CTNNA3: variants seen among roughly 807,000 people sequenced by gnomAD.
The protein encoded by CTNNA3 is catenin alpha-3.
CTNNA3 carries 76 observed loss-of-function variants against 95.7 expected under a neutral mutation model. That is an observed-to-expected ratio of 0.79 (90% CI 0.66 to 0.96). CTNNA3 has a LOEUF of 0.96. Ranked by LOEUF, CTNNA3 falls within the 40% of genes least tolerant of loss-of-function variation. CTNNA3 has a pLI of 0.00. For synonymous variants in CTNNA3, 431 were observed against 374.4 expected (o/e 1.15, Z -1.74); for missense variants, 1,191 against 1,089.8 (o/e 1.09, Z -1.31).
chr10:66,158,496 C>T (rs2084670216), intron 13 of CTNNA3, among the ~76,000 whole-genome samples: 1 of 152,056 alleles, frequency 6.6e-6, no homozygotes, highest in Admixed American at 6.6e-5. Context: ...TATTCTGTTC[C>T]ATTGGCCTAT....
At chr10:66,331,785 G>A (rs1438568950) in intron 12 of CTNNA3, among the ~76,000 whole-genome samples, 1 of 151,648 alleles carries the variant, frequency 6.6e-6, no homozygotes, top group Admixed American at 6.6e-5. Flanking sequence ...GGCAATGCGG[G>A]CTCTTTTTTG....
chr10:66,443,655 A>G, intron 11 of CTNNA3, among the ~76,000 whole-genome samples: 1 of 152,118 alleles, frequency 6.6e-6, no homozygotes, highest in Non-Finnish European at 1.5e-5. Flanking sequence ...AAGGACATCC[A>G]CACCAAAAAC....
At chr10:67,233,914 G>A (rs1241501180) in intron 5 of CTNNA3, among the ~76,000 whole-genome samples, 3 of 152,198 alleles carry the variant, frequency 2.0e-5, no homozygotes, top group East Asian at 1.9e-4. Flanking sequence ...AAATCTAGAA[G>A]AAACGGATAA....
chr10:66,272,418 T>C (rs991598038), intron 13 of CTNNA3, among the ~76,000 whole-genome samples: 2 of 152,056 alleles, frequency 1.3e-5, no homozygotes, highest in South Asian at 2.1e-4. Context: ...CAACAAAGTA[T>C]CAGAAAAGCA....
At chr10:67,606,324 A>G (rs1843271092) in intron 3 of CTNNA3, among the ~76,000 whole-genome samples, 1 of 152,226 alleles carries the variant, frequency 6.6e-6, no homozygotes, top group Admixed American at 6.5e-5. Flanking sequence ...AAGATGAAAT[A>G]TATGCTTTTA....
intron 1 of CTNNA3, among the ~76,000 whole-genome samples, chr10:67,694,604 T>C (rs1314956861): frequency 6.6e-6 from 1 of 152,110 alleles, no homozygotes. Context: ...AAAATTATAT[T>C]CATTCACTTG....
intron 10 of CTNNA3, among the ~76,000 whole-genome samples, chr10:66,589,910 ACGCTGCCT>A (rs1843489340): frequency 5.9e-5 from 9 of 152,114 alleles, no homozygotes; most frequent in Non-Finnish European, 1.0e-4. Context: ...CCCATCATAA[ACGCTGCCT>A]TAACTGTGTT....
At chr10:66,902,763 A>C (rs1259915480) in intron 7 of CTNNA3, among the ~76,000 whole-genome samples, 3 of 152,248 alleles carry the variant, frequency 2.0e-5, no homozygotes, top group African/African-American at 7.2e-5. Context: ...TATGCAAATA[A>C]ACTAGAAAAT....
chr10:66,094,457 T>C (rs929412663), intron 14 of CTNNA3, among the ~76,000 whole-genome samples: 9 of 152,008 alleles, frequency 5.9e-5, no homozygotes, highest in Non-Finnish European at 1.3e-4. Context: ...GTATGGACAA[T>C]GGAAGTTTAC....
chr10:67,163,766 A>G (rs1382129954), intron 7 of CTNNA3, among the ~76,000 whole-genome samples: 1 of 152,074 alleles, frequency 6.6e-6, no homozygotes, highest in East Asian at 1.9e-4. Flanking sequence ...ACAATTCCTG[A>G]ACTACTAAGT....
chr10:67,464,248 G>A (rs553104575), intron 5 of CTNNA3, among the ~76,000 whole-genome samples: 1 of 151,982 alleles, frequency 6.6e-6, no homozygotes, highest in East Asian at 1.9e-4. Flanking sequence ...TTTTCCTCAT[G>A]TTTTCCCCAC....
At chr10:67,341,089 T>C (rs929453534) in intron 5 of CTNNA3, among the ~76,000 whole-genome samples, 1 of 152,174 alleles carries the variant, frequency 6.6e-6, no homozygotes, top group Admixed American at 6.5e-5. Context: ...TATAAATATT[T>C]ATAGGGTACA....
At chr10:66,362,353 G>A (rs1266304673) in intron 12 of CTNNA3, among the ~76,000 whole-genome samples, 4 of 150,214 alleles carry the variant, frequency 2.7e-5, no homozygotes, top group African/African-American at 4.9e-5. Context: ...CTCCCACCTC[G>A]GCCTCCCAAA....
intron 5 of CTNNA3, among the ~76,000 whole-genome samples, chr10:67,368,884 G>C (rs78645863): frequency 0.017 from 2,592 of 152,270 alleles, 69 homozygotes; most frequent in African/African-American, 0.059. Context: ...GCAGAAAAGG[G>C]AAACATTGCA....
chr10:67,329,475 G>T (rs976837053), intron 5 of CTNNA3, among the ~76,000 whole-genome samples: 4 of 152,152 alleles, frequency 2.6e-5, no homozygotes, highest in African/African-American at 7.2e-5. Flanking sequence ...CTTGATACTT[G>T]TAAGTTGTAT....
chr10:67,598,286 G>A (rs1002980707), intron 3 of CTNNA3, among the ~76,000 whole-genome samples: 1 of 152,070 alleles, frequency 6.6e-6, no homozygotes, highest in African/African-American at 2.4e-5. Flanking sequence ...TGTCTATGGG[G>A]ATCATGGGGT....
chr10:65,915,521 C>A lies in CTNNA3; in HGVS notation c.*4809G>T, dbSNP rs751935131. ...TCGTCTCCATTTTTCTCCAACTTAC[C>A]AAACTCATATTGAATATCAATCCAT... On this transcript the variant is annotated 3_prime_UTR_variant, in exon 18 of 18. Transcript: ENST00000433211. The A allele has an allele frequency of 1.3e-5, 2 of 152,116 alleles. No homozygotes were observed. Among genetic ancestry groups the A allele is most frequent in the Non-Finnish European group, 2.9e-5 (2 of 68,012 alleles). 9.4% of individuals were successfully genotyped at this position (152,116 alleles called of 1,614,324 possible).
chr10:66,120,818 T>C (rs1042599787), intron 13 of CTNNA3, among the ~76,000 whole-genome samples: 2 of 152,114 alleles, frequency 1.3e-5, no homozygotes, highest in African/African-American at 4.8e-5. Flanking sequence ...AAAAGGCATG[T>C]ATAGGCAAAA....
At chr10:67,579,762 G>T (rs1842313727) in intron 3 of CTNNA3, among the ~76,000 whole-genome samples, 1 of 152,108 alleles carries the variant, frequency 6.6e-6, no homozygotes, top group Non-Finnish European at 1.5e-5. Context: ...GGTGTGAGAT[G>T]GTATCTCATT....
Sources: gnomAD v4.1 joint callset for allele counts (sites outside exome capture counted in the v4.1 genomes callset) on GRCh38, gnomAD v4.1.1 for gene constraint, MANE v1.5 for transcripts, NCBI Gene and HGNC (gene_info 2026-07-23, HGNC 2026-07-21) for gene names.